RALYL: variants seen among roughly 807,000 people sequenced by gnomAD.
RALYL encodes the protein RALY RNA binding protein like.
A neutral mutation model predicts 35.1 loss-of-function variants in RALYL; 29 were observed. The ratio of observed to expected loss-of-function variants is 0.83; its 90% CI spans 0.61 to 1.13. The LOEUF (loss-of-function observed/expected upper bound fraction) is 1.13. Ranked by LOEUF, RALYL falls within the 50% of genes most tolerant of loss-of-function variation. The pLI, the probability that RALYL is intolerant of heterozygous loss-of-function variation, is 0.00. For synonymous variants in RALYL, 120 were observed against 127.6 expected (o/e 0.94, Z 0.40); for missense variants, 359 against 360.4 (o/e 1.00, Z 0.03).
chr8:84,613,464 A>C (rs1045796186), intron 2 of RALYL, among the ~76,000 whole-genome samples: 1 of 151,510 alleles, frequency 6.6e-6, no homozygotes, highest in African/African-American at 2.4e-5. Context: ...AATGTGCAAG[A>C]CACTGACACA....
chr8:84,848,491 A>G (rs78997189), intron 4 of RALYL, among the ~76,000 whole-genome samples: 2,935 of 151,952 alleles, frequency 0.019, 41 homozygotes, highest in Middle Eastern at 0.042. Flanking sequence ...TTCATCCTCA[A>G]AAAGGAATGA....
chr8:84,739,025 G>A (rs972369047), intron 2 of RALYL, among the ~76,000 whole-genome samples: 1 of 151,930 alleles, frequency 6.6e-6, no homozygotes. Context: ...AGATGACATT[G>A]GAAATTCCAA....
intron 7 of RALYL, 85 bp from the exon 8 acceptor site, chr8:84,887,519 C>A: frequency 1.6e-6 from 2 of 1,236,928 alleles, no homozygotes; most frequent in Non-Finnish European, 2.2e-6. Flanking sequence ...AGCGTTTACC[C>A]TTTCATGGAC....
chr8:84,862,186 G>T (rs1838228221), intron 5 of RALYL, 110 bp from the exon 6 acceptor site: 2 of 930,662 alleles, frequency 2.1e-6, no homozygotes, highest in East Asian at 3.2e-5. Context: ...GCAGCAGAAA[G>T]AAAACATTTA....
chr8:84,868,502 T>C (rs1263694547), intron 6 of RALYL, among the ~76,000 whole-genome samples: 1 of 152,190 alleles, frequency 6.6e-6, no homozygotes, highest in Non-Finnish European at 1.5e-5. Flanking sequence ...TGCTAAGCAA[T>C]CTTAATTAAA....
intron 1 of RALYL, among the ~76,000 whole-genome samples, chr8:84,274,572 T>C (rs936370857): frequency 6.6e-6 from 1 of 152,048 alleles, no homozygotes; most frequent in Admixed American, 6.6e-5. Context: ...ATAAAGCAAA[T>C]CAAAAACATT....
intron 6 of RALYL, among the ~76,000 whole-genome samples, chr8:84,868,839 A>C (rs1282515300): frequency 6.6e-6 from 1 of 152,176 alleles, no homozygotes; most frequent in Non-Finnish European, 1.5e-5. Context: ...CAGTTGCTGC[A>C]ATTTATTTTA....
At chr8:84,570,483 G>C (rs1181351589) in intron 2 of RALYL, among the ~76,000 whole-genome samples, 1 of 151,758 alleles carries the variant, frequency 6.6e-6, no homozygotes, top group Non-Finnish European at 1.5e-5. Context: ...GTCTTTCAGA[G>C]GAATCTTAGG....
chr8:84,812,446 G>A (rs186166532), intron 4 of RALYL, among the ~76,000 whole-genome samples: 2 of 152,258 alleles, frequency 1.3e-5, no homozygotes, highest in Admixed American at 6.5e-5. Flanking sequence ...AGCATCAGCT[G>A]TGGTAGTATG....
At chr8:84,529,835 A>G (rs941046278) in intron 2 of RALYL, among the ~76,000 whole-genome samples, 41 of 152,206 alleles carry the variant, frequency 2.7e-4, no homozygotes, top group African/African-American at 9.4e-4. Context: ...CAGCCAGGCA[A>G]ATAATAAATA....
At chr8:84,391,726 C>A (rs181451061) in intron 1 of RALYL, among the ~76,000 whole-genome samples, 6 of 152,026 alleles carry the variant, frequency 3.9e-5, no homozygotes, top group East Asian at 1.9e-4. Flanking sequence ...CTTTACCCCC[C>A]AGTAAGTGAA....
rs147345564 is a variant in RALYL at position 84,862,382 on chromosome 8, G to A, written c.500G>A (p.Arg167His). 8.0e-5 allele frequency: 128 copies of A among 1,607,200 alleles called. No individual in the cohort carries two copies. In the East Asian group the frequency reaches 1.7e-3, roughly 21 times the overall value. ...CCCAGAGTGGCAGTCACAACGACTC[G>A]CAGGGGGAAAGGAGTCTTTTCCATG... ...KRPRVAVTTT[R>H]RGKGVFSMKG... The change falls in exon 6 of 9, where the codon CGC (arginine) becomes CAC (histidine). Residue 167 changes from arginine to histidine, a missense_variant. Coordinates refer to ENST00000521268, the MANE Select transcript of RALYL (RefSeq NM_173848.7).
At chr8:84,824,986 C>G (rs1412120312) in intron 4 of RALYL, among the ~76,000 whole-genome samples, 6 of 152,026 alleles carry the variant, frequency 3.9e-5, no homozygotes, top group African/African-American at 1.5e-4. Flanking sequence ...ACAATGAAAA[C>G]AAAAATTGAG....
chr8:84,378,951 C>T (rs1857435997), intron 1 of RALYL, among the ~76,000 whole-genome samples: 1 of 151,898 alleles, frequency 6.6e-6, no homozygotes, highest in South Asian at 2.1e-4. Context: ...GTGAACCATA[C>T]TTGGCTTTCA....
At position 84,920,941 on chromosome 8, in the gene RALYL, G is replaced by GA; in HGVS notation, c.*34dup. ...AAATAACGCATGATGCCACAAAGCA[G>GA]AAAAGAGAAACTGTGACAACCCCCA... On this transcript the variant is annotated 3_prime_UTR_variant, in exon 9 of 9. Coordinates refer to ENST00000521268, the MANE Select transcript of RALYL (RefSeq NM_173848.7). 7.2e-7 allele frequency: 1 copy of GA among 1,394,468 alleles called. No homozygotes were observed. The highest frequency in any genetic ancestry group is 1.5e-5 in the South Asian group (1 of 67,404). 86.4% of individuals were successfully genotyped at this position (1,394,468 alleles called of 1,614,324 possible).
intron 1 of RALYL, among the ~76,000 whole-genome samples, chr8:84,456,996 G>C (rs1358542691): frequency 6.6e-6 from 1 of 151,784 alleles, no homozygotes; most frequent in Non-Finnish European, 1.5e-5. Context: ...AAAATAAAAG[G>C]ACCAATCTAA....
intron 8 of RALYL, among the ~76,000 whole-genome samples, chr8:84,905,503 T>C (rs1478112539): frequency 6.6e-6 from 1 of 152,158 alleles, no homozygotes; most frequent in African/African-American, 2.4e-5. Context: ...ACCTCCATAC[T>C]GTTTTCCAGA....
intron 1 of RALYL, among the ~76,000 whole-genome samples, chr8:84,372,890 T>TTTTTGTTTTGTTTTG (rs1173173821): frequency 8.1e-5 from 9 of 111,732 alleles, no homozygotes; most frequent in African/African-American, 3.7e-4. Flanking sequence ...GCATCTGTTT[T>TTTTTGTTTTGTTTTG]TTTTTTTTTT....
At chr8:84,473,370 A>C (rs550958782) in intron 1 of RALYL, among the ~76,000 whole-genome samples, 39 of 151,334 alleles carry the variant, frequency 2.6e-4, no homozygotes, top group African/African-American at 8.7e-4. Context: ...ATTTAATATT[A>C]GATTTAAAAA....
Sources: allele counts gnomAD v4.1 joint callset (sites outside exome capture counted in the v4.1 genomes callset), GRCh38; gene constraint gnomAD v4.1.1; transcripts MANE v1.5; gene names NCBI Gene and HGNC (gene_info 2026-07-23, HGNC 2026-07-21).